TDRP: variants seen among roughly 807,000 people sequenced by gnomAD.
TDRP encodes testis development-related protein.
Under a neutral mutation model 10.5 loss-of-function variants are expected in TDRP, and 12 were observed. That is an observed-to-expected ratio of 1.15 (90% CI 0.73 to 1.86). The LOEUF (loss-of-function observed/expected upper bound fraction) is 1.86, where lower values mean the gene tolerates loss of function less well. Ranked by LOEUF, TDRP falls within the 40% of genes most tolerant of loss-of-function variation. The pLI, the probability that TDRP is intolerant of heterozygous loss-of-function variation, is 0.00. For synonymous variants in TDRP, 139 were observed against 95.4 expected (o/e 1.46, Z -2.67); for missense variants, 353 against 229.2 (o/e 1.54, Z -3.49).
At chr8:521,361 G>A (rs1801900579) in intron 1 of TDRP, among the ~76,000 whole-genome samples, 1 of 151,880 alleles carries the variant, frequency 6.6e-6, no homozygotes, top group Admixed American at 6.6e-5. Flanking sequence ...GGCTTACAGT[G>A]AGCCGAGCTC....
chr8:492,589 G>A lies in TDRP; in HGVS notation c.368C>T (p.Pro123Leu), dbSNP rs201312888. The change falls in exon 3 of 3, where the codon CCT becomes CTT. Residue 123 changes from proline to leucine, a missense_variant. Transcript: ENST00000324079. ...KLALEDISADPEDTVGGHPSW... is the reference protein window; with the variant it reads ...KLALEDISADLEDTVGGHPSW... ...TGGGTGGCCACCCACGGTGTCCTCA[G>A]GGTCAGCCGATATGTCTTCAAGAGC... 2 of 1,613,738 alleles carry A rather than the reference G, an allele frequency of 1.2e-6. No homozygotes were observed. The highest frequency in any genetic ancestry group is 1.3e-5 in the African/African-American group (1 of 74,928).
intron 1 of TDRP, among the ~76,000 whole-genome samples, chr8:513,959 C>A (rs1308503863): frequency 1.3e-5 from 2 of 152,150 alleles, no homozygotes; most frequent in African/African-American, 4.8e-5. Flanking sequence ...ATCTGAATAA[C>A]TGGAAAACTA....
chr8:501,658 T>C (rs773218867), intron 1 of TDRP, among the ~76,000 whole-genome samples: 10 of 152,234 alleles, frequency 6.6e-5, no homozygotes, highest in Non-Finnish European at 1.2e-4. Flanking sequence ...TTTCCTGCTA[T>C]ACGTTTTAAA....
At chr8:535,598 A>G (rs1802323744) in intron 1 of TDRP, among the ~76,000 whole-genome samples, 1 of 152,100 alleles carries the variant, frequency 6.6e-6, no homozygotes, top group African/African-American at 2.4e-5. Context: ...TGAGCCCCAC[A>G]TGTACATCCA....
At chr8:527,810 C>A (rs1208516376) in intron 1 of TDRP, among the ~76,000 whole-genome samples, 1 of 152,124 alleles carries the variant, frequency 6.6e-6, no homozygotes, top group Non-Finnish European at 1.5e-5. Context: ...TACGAAACTA[C>A]TAAAAGAAAA....
intron 1 of TDRP, among the ~76,000 whole-genome samples, chr8:514,637 G>T (rs752799513): frequency 1.3e-5 from 2 of 152,264 alleles, no homozygotes; most frequent in Non-Finnish European, 2.9e-5. Context: ...GTGACTGCCG[G>T]ATCCACATAA....
chr8:515,920 T>G (rs1026798180), intron 1 of TDRP, among the ~76,000 whole-genome samples: 2 of 151,372 alleles, frequency 1.3e-5, no homozygotes, highest in Non-Finnish European at 3.0e-5. Context: ...ATAAAAGAAA[T>G]AAAAAATAAA....
At chr8:541,992 T>C (rs111585198) in intron 1 of TDRP, among the ~76,000 whole-genome samples, 250 of 152,316 alleles carry the variant, frequency 1.6e-3, no homozygotes, top group African/African-American at 5.7e-3. Context: ...TTATTCATAA[T>C]TGCCAAAACG....
chr8:526,588 T>G (rs1802040777), intron 1 of TDRP, among the ~76,000 whole-genome samples: 1 of 152,210 alleles, frequency 6.6e-6, no homozygotes, highest in Non-Finnish European at 1.5e-5. Flanking sequence ...TTTAGTATGT[T>G]GTAGAATTTG....
intron 1 of TDRP, among the ~76,000 whole-genome samples, chr8:543,238 G>C (rs564810568): frequency 6.6e-6 from 1 of 152,138 alleles, no homozygotes; most frequent in Non-Finnish European, 1.5e-5. Flanking sequence ...CTTGAGCCCA[G>C]GCAGGTTGAG....
At chr8:508,961 G>C (rs1801538281) in intron 1 of TDRP, among the ~76,000 whole-genome samples, 1 of 152,204 alleles carries the variant, frequency 6.6e-6, no homozygotes, top group Non-Finnish European at 1.5e-5. Context: ...AAACAAAGGG[G>C]CTACAGGCCC....
At chr8:513,382 T>TA (rs2116792399) in intron 1 of TDRP, among the ~76,000 whole-genome samples, 1 of 152,160 alleles carries the variant, frequency 6.6e-6, no homozygotes, top group South Asian at 2.1e-4. Context: ...TCCATTAATA[T>TA]AGCAAATGAA....
Position 491,590 on chromosome 8 carries a change from T to A in TDRP, c.*809A>T. The A allele has an allele frequency of 6.6e-7, 1 of 1,524,718 alleles. No homozygotes were observed. Among genetic ancestry groups the A allele is most frequent in the Non-Finnish European group, 8.7e-7 (1 of 1,143,632 alleles). 94.4% of individuals were successfully genotyped at this position (1,524,718 alleles called of 1,614,324 possible). A position where few individuals can be genotyped will look rare whatever the true frequency, so the allele number is the denominator to read the frequency against. On this transcript the variant is annotated 3_prime_UTR_variant, in exon 3 of 3. Transcript: ENST00000324079. ...AGGCACTTCAGTATTTTATGCACAG[T>A]CTTAACTCTCTATAATGAGCAAGAC...
intron 1 of TDRP, among the ~76,000 whole-genome samples, chr8:500,973 A>G (rs10104433): frequency 0.77 from 116,386 of 151,734 alleles, 45,637 homozygotes; most frequent in Admixed American, 0.86. Context: ...CTGGGAGGCC[A>G]AGGTGGGTGG....
intron 1 of TDRP, among the ~76,000 whole-genome samples, chr8:535,414 G>A (rs1280499760): frequency 3.9e-5 from 6 of 152,122 alleles, no homozygotes; most frequent in Admixed American, 6.5e-5. Context: ...CCCAGCTAAC[G>A]TGGGGTGAAG....
chr8:527,640 G>A (rs1439022687), intron 1 of TDRP, among the ~76,000 whole-genome samples: 1 of 152,036 alleles, frequency 6.6e-6, no homozygotes, highest in African/African-American at 2.4e-5. Flanking sequence ...AAGATACCAA[G>A]AACATACATT....
chr8:504,052 G>A (rs1388176506), intron 1 of TDRP, among the ~76,000 whole-genome samples: 4 of 151,720 alleles, frequency 2.6e-5, no homozygotes, highest in Admixed American at 2.6e-4. Context: ...CCACAAAAGG[G>A]TAACCCACAC....
chr8:543,511 T>C (rs1802555040), intron 1 of TDRP, among the ~76,000 whole-genome samples: 1 of 151,724 alleles, frequency 6.6e-6, no homozygotes, highest in Admixed American at 6.6e-5. Flanking sequence ...CATCATTACA[T>C]TCAAGAAGAG....
intron 1 of TDRP, among the ~76,000 whole-genome samples, chr8:505,905 T>C (rs1313612633): frequency 6.6e-6 from 1 of 152,106 alleles, no homozygotes; most frequent in Non-Finnish European, 1.5e-5. Context: ...AGTCGGCACG[T>C]AGATATCAAC....
Sources: allele counts gnomAD v4.1 joint callset (sites outside exome capture counted in the v4.1 genomes callset), GRCh38; gene constraint gnomAD v4.1.1; transcripts MANE v1.5; gene names NCBI Gene and HGNC (gene_info 2026-07-23, HGNC 2026-07-21).